The following BTBD8 variants were observed in gnomAD, a reference collection of about 807,000 sequenced individuals.
BTBD8 encodes BTB domain containing 8.
In BTBD8, 110 loss-of-function variants were observed where a neutral mutation model predicts 162.9. That is an observed-to-expected ratio of 0.68 (90% CI 0.58 to 0.79). The LOEUF is 0.79. BTBD8 is among the 30% of genes least tolerant of loss of function. The probability of loss-of-function intolerance (pLI) is 0.00; values close to 1 mark genes in which losing one functional copy is unlikely to be tolerated. For missense variants in BTBD8, 1,905 were observed against 2,085.4 expected (o/e 0.91, Z 1.68); for synonymous variants, 667 against 716.1 (o/e 0.93, Z 1.10).
At chr1:92,174,165 C>G (rs1038159284) in intron 13 of BTBD8, among the ~76,000 whole-genome samples, 2 of 151,908 alleles carry the variant, frequency 1.3e-5, no homozygotes, top group Non-Finnish European at 2.9e-5. Context: ...ATTCATTATA[C>G]TCTTCTGTCC....
intron 5 of BTBD8, among the ~76,000 whole-genome samples, chr1:92,136,922 T>C (rs1293431590): frequency 6.6e-6 from 1 of 152,170 alleles, no homozygotes; most frequent in Admixed American, 6.5e-5. Context: ...TAGGTGATAA[T>C]TGTTGTTTTT....
intron 7 of BTBD8, 36 bp from the exon 8 acceptor site, chr1:92,147,144 A>C: frequency 6.8e-7 from 1 of 1,480,442 alleles, no homozygotes; most frequent in South Asian, 1.3e-5. Context: ...TTGTAAATTG[A>C]AAAGGAATAA....
intron 5 of BTBD8, among the ~76,000 whole-genome samples, chr1:92,135,998 G>A (rs1649623983): frequency 6.6e-6 from 1 of 152,094 alleles, no homozygotes; most frequent in Non-Finnish European, 1.5e-5. Flanking sequence ...TAATTATTCT[G>A]AGATTAAATC....
chr1:92,107,430 C>T (rs72956832), intron 3 of BTBD8, among the ~76,000 whole-genome samples: 1 of 152,116 alleles, frequency 6.6e-6, no homozygotes, highest in Non-Finnish European at 1.5e-5. Context: ...TCTATGCTTA[C>T]ATACACAACT....
chr1:92,124,821 A>AT (rs1247313141), intron 4 of BTBD8, among the ~76,000 whole-genome samples: 1 of 152,090 alleles, frequency 6.6e-6, no homozygotes, highest in African/African-American at 2.4e-5. Context: ...CTTTCTTGTC[A>AT]TTTTTTCAAA....
chr1:92,088,939 T>A (rs1171675161), intron 2 of BTBD8, 44 bp downstream of exon 2: 1 of 1,436,788 alleles, frequency 7.0e-7, no homozygotes, highest in Non-Finnish European at 9.5e-7. Flanking sequence ...TGTAATTGCT[T>A]ATTTTTAACA....
chr1:92,115,417 T>G (rs1649012946), intron 4 of BTBD8: 1 of 495,806 alleles, frequency 2.0e-6, no homozygotes, highest in Admixed American at 2.1e-5. Context: ...ATCACGAACA[T>G]GGGGGCATCA....
At position 92,181,903 on chromosome 1, in the gene BTBD8, A is replaced by G. The variant is rs996773401; in HGVS notation, c.4220A>G (p.Gln1407Arg). ...TTCTCTATATCTAACCCAGCTCCTC[A>G]GCAGTTTCAGGGAATAATTAATTTA... is the stretch of plus-strand genomic sequence containing the variant. ...ENFSISNPAP[Q>R]QFQGIINLAF... is the part of the protein sequence containing the mutation. The change falls in exon 17 of 18, where the codon CAG (glutamine) becomes CGG (arginine). Residue 1407 changes from glutamine to arginine, a missense_variant. Coordinates refer to ENST00000636805, the MANE Select transcript of BTBD8 (RefSeq NM_001376131.1). 1.3e-6 allele frequency: 2 copies of G among 1,551,430 alleles called. No individual in the cohort carries two copies. The highest frequency in any genetic ancestry group is 1.4e-5 in the African/African-American group (1 of 73,058).
At chr1:92,123,070 C>CGA (rs1649258211) in intron 4 of BTBD8, among the ~76,000 whole-genome samples, 1 of 152,114 alleles carries the variant, frequency 6.6e-6, no homozygotes, top group African/African-American at 2.4e-5. Flanking sequence ...CTACAAACAT[C>CGA]CTGTTGTTCC....
chr1:92,181,826 A>G lies in BTBD8; in HGVS notation c.4143A>G (p.Ser1381=), dbSNP rs1479002261. 1.1e-5 allele frequency: 17 copies of G among 1,551,202 alleles called. No individual in the cohort carries two copies. The highest frequency in any genetic ancestry group is 1.5e-5 in the Non-Finnish European group (17 of 1,146,928). Residue 1381 remains serine, a synonymous_variant, in exon 17 of 18, where the codon TCA becomes TCG. Coordinates refer to ENST00000636805, the MANE Select transcript of BTBD8 (RefSeq NM_001376131.1). ...FAQEIDQVSS[S]ADETEDERSE... Reference sequence around the variant, plus strand: ...AGGAAATAGATCAGGTATCTTCTTCAGCAGATGAAACAGAAGATGAAAGAT... The same window carrying G: ...AGGAAATAGATCAGGTATCTTCTTCGGCAGATGAAACAGAAGATGAAAGAT...
intron 9 of BTBD8, among the ~76,000 whole-genome samples, chr1:92,163,728 A>AGT (rs1470105239): frequency 3.3e-5 from 5 of 152,108 alleles, no homozygotes; most frequent in Non-Finnish European, 5.9e-5. Context: ...TTAAAATTTA[A>AGT]GTGTTTGGTC....
chr1:92,104,480 C>T (rs769434777), intron 3 of BTBD8, among the ~76,000 whole-genome samples: 9 of 152,256 alleles, frequency 5.9e-5, no homozygotes, highest in Non-Finnish European at 1.0e-4. Context: ...GAGACTTTCC[C>T]GAGGTCACAC....
chr1:92,105,106 AT>A (rs1350373966), intron 3 of BTBD8, among the ~76,000 whole-genome samples: 3 of 151,344 alleles, frequency 2.0e-5, no homozygotes, highest in Non-Finnish European at 4.4e-5. Context: ...CTAATTTTTT[AT>A]ATTTTTAGTA....
chr1:92,126,417 TC>T, intron 4 of BTBD8: 1 of 906,228 alleles, frequency 1.1e-6, no homozygotes, highest in Non-Finnish European at 1.7e-6. Context: ...GGCTCAGACC[TC>T]CTCAAACGAA....
intron 4 of BTBD8, among the ~76,000 whole-genome samples, chr1:92,125,147 A>G (rs1230969671): frequency 6.6e-6 from 1 of 152,156 alleles, no homozygotes; most frequent in African/African-American, 2.4e-5. Context: ...TTAATTAAAG[A>G]GCCTTTGAGA....
At chr1:92,173,497 C>A (rs775217993) in intron 13 of BTBD8, among the ~76,000 whole-genome samples, 15 of 152,286 alleles carry the variant, frequency 9.8e-5, no homozygotes, top group Non-Finnish European at 2.2e-4. Context: ...GCCTTCCTAT[C>A]CCCTGCTACT....
At chr1:92,140,686 T>A (rs1649755917) in intron 6 of BTBD8, among the ~76,000 whole-genome samples, 1 of 152,248 alleles carries the variant, frequency 6.6e-6, no homozygotes, top group African/African-American at 2.4e-5. Context: ...TTGGATGCTA[T>A]CTCCAATCTT....
chr1:92,180,259 T>G lies in BTBD8; in HGVS notation c.2582-6T>G, dbSNP rs1337365830. 6.6e-7 allele frequency: 1 copy of G among 1,522,340 alleles called. No homozygotes were observed. The highest frequency in any genetic ancestry group is 8.8e-7 in the Non-Finnish European group (1 of 1,136,322). The allele number at this position is 1,522,340 out of a possible 1,614,324, so 94.3% of individuals were successfully genotyped here. ...ATTACTGAATATACCCTCTTACTTT[T>G]CTTAGGATCCCAAGGAGAGTCACCA... On this transcript the variant is annotated splice_polypyrimidine_tract_variant and splice_region_variant and intron_variant, in intron 16 of 17. Transcript: ENST00000636805.
chr1:92,178,225 G>A lies in BTBD8; in HGVS notation c.2442-87G>A, dbSNP rs985009253. 4.9e-6 allele frequency: 5 copies of A among 1,022,584 alleles called. No individual in the cohort carries two copies. The African/African-American group carries it at 6.6e-5, about 13-fold the overall frequency. The allele number at this position is 1,022,584 out of a possible 1,614,324, so 63.3% of individuals were successfully genotyped here. On this transcript the variant is annotated intron_variant, in intron 15 of 17. Coordinates refer to ENST00000636805, the MANE Select transcript of BTBD8 (RefSeq NM_001376131.1). ...AGGAGAGATGTATTTTTTATTTCTT[G>A]AAAAAAACTGTTTCAGGTATTGGTC...
Sources: gnomAD v4.1 joint callset for allele counts (sites outside exome capture counted in the v4.1 genomes callset) on GRCh38, gnomAD v4.1.1 for gene constraint, MANE v1.5 for transcripts, NCBI Gene and HGNC (gene_info 2026-07-23, HGNC 2026-07-21) for gene names.